Variants in ALK observed in about 807,000 individuals in gnomAD.
ALK encodes the protein ALK receptor tyrosine kinase, also known as ALK tyrosine kinase receptor.
Under a neutral mutation model 163.1 loss-of-function variants are expected in ALK, and 74 were observed. The observed-to-expected ratio is 0.45, with a 90% CI of 0.38 to 0.55. The LOEUF is 0.55. ALK is among the 20% of genes least tolerant of loss of function. The pLI is 0.00. For missense variants in ALK, 2,063 were observed against 2,105.3 expected (o/e 0.98, Z 0.39); for synonymous variants, 960 against 843.2 (o/e 1.14, Z -2.40).
At chr2:29,417,729 G>A (rs1669915306) in intron 4 of ALK, among the ~76,000 whole-genome samples, 1 of 152,196 alleles carries the variant, frequency 6.6e-6, no homozygotes, top group Admixed American at 6.5e-5. Flanking sequence ...ATTACATCAG[G>A]AAGAGAGACT....
intron 8 of ALK, among the ~76,000 whole-genome samples, chr2:29,308,600 C>A (rs746072604): frequency 2.6e-5 from 4 of 152,128 alleles, no homozygotes; most frequent in African/African-American, 4.8e-5. Flanking sequence ...GTGCTGTGAA[C>A]GGAACGCAAG....
At chr2:29,203,732 C>A (rs1306680516) in intron 26 of ALK, among the ~76,000 whole-genome samples, 1 of 151,740 alleles carries the variant, frequency 6.6e-6, no homozygotes, top group Non-Finnish European at 1.5e-5. Context: ...GATCCACCTG[C>A]CTCGGTCTCC....
intron 3 of ALK, among the ~76,000 whole-genome samples, chr2:29,584,679 G>A (rs886980555): frequency 5.3e-5 from 8 of 152,162 alleles, no homozygotes; most frequent in African/African-American, 9.7e-5. Context: ...TGGCTGGTTC[G>A]GTGTTCTGGA....
chr2:29,589,093 C>G (rs1674973510), intron 3 of ALK, among the ~76,000 whole-genome samples: 2 of 152,254 alleles, frequency 1.3e-5, no homozygotes, highest in South Asian at 4.2e-4. Flanking sequence ...ATCATCTCTG[C>G]AGCGTTCAAC....
At chr2:29,585,195 T>C (rs1313402587) in intron 3 of ALK, among the ~76,000 whole-genome samples, 1 of 152,218 alleles carries the variant, frequency 6.6e-6, no homozygotes, top group Non-Finnish European at 1.5e-5. Flanking sequence ...TAAGGCAAAA[T>C]ATAAATGTAT....
intron 1 of ALK, among the ~76,000 whole-genome samples, chr2:29,756,709 T>A (rs1680543403): frequency 6.6e-6 from 1 of 152,260 alleles, no homozygotes; most frequent in Middle Eastern, 3.4e-3. Flanking sequence ...GTATTTTTAG[T>A]AGAGACAGGG....
At chr2:29,370,174 A>C (rs1026278269) in intron 5 of ALK, among the ~76,000 whole-genome samples, 10 of 152,196 alleles carry the variant, frequency 6.6e-5, no homozygotes, top group African/African-American at 2.4e-4. Flanking sequence ...AGTTCAAGAA[A>C]TTTTGCACCC....
chr2:29,654,829 C>T (rs1385695030), intron 3 of ALK, among the ~76,000 whole-genome samples: 1 of 152,002 alleles, frequency 6.6e-6, no homozygotes, highest in Non-Finnish European at 1.5e-5. Context: ...CCTTAAGACA[C>T]TGTCAGTAAA....
At chr2:29,868,133 G>A (rs1301661694) in intron 1 of ALK, among the ~76,000 whole-genome samples, 1 of 152,218 alleles carries the variant, frequency 6.6e-6, no homozygotes, top group Non-Finnish European at 1.5e-5. Context: ...TAGAGTTGGA[G>A]CTGGAAGGCA....
chr2:29,728,739 A>T (rs1438679197), intron 1 of ALK, among the ~76,000 whole-genome samples: 6 of 152,200 alleles, frequency 3.9e-5, no homozygotes, highest in African/African-American at 7.2e-5. Flanking sequence ...GTCTCTCAGA[A>T]CGGAGCGCCA....
chr2:29,717,171 C>CAAA (rs754615995), intron 2 of ALK, among the ~76,000 whole-genome samples: 36,812 of 70,262 alleles, frequency 0.52, 11,663 homozygotes, highest in Non-Finnish European at 0.63. Context: ...GACTCTGTCT[C>CAAA]AAAAAAAAAA....
At chr2:29,293,608 A>G (rs1284431588) in intron 9 of ALK, among the ~76,000 whole-genome samples, 1 of 152,202 alleles carries the variant, frequency 6.6e-6, no homozygotes, top group Non-Finnish European at 1.5e-5. Context: ...TTTAACTTTA[A>G]CATGCCTTTA....
chr2:29,590,573 C>T (rs1012398910), intron 3 of ALK, among the ~76,000 whole-genome samples: 1 of 152,112 alleles, frequency 6.6e-6, no homozygotes, highest in Non-Finnish European at 1.5e-5. Context: ...CATCTTCCAC[C>T]AGGCCCCAGG....
Position 29,233,518 on chromosome 2 carries a change from T to C in ALK, c.2487+47A>G, listed in dbSNP as rs77684724. 127,488 of 1,613,438 alleles carry C rather than the reference T, an allele frequency of 0.079. 5,602 individuals carry two copies. Among genetic ancestry groups the C allele is most frequent in the Non-Finnish European group, 0.092 (108,244 of 1,179,708 alleles). ...CAGGGCTGTCATGAGGCTCTGACATTGCAGATGCACAGGAACCTGGTGGAA... is the reference window on the plus strand; with the variant it reads ...CAGGGCTGTCATGAGGCTCTGACATCGCAGATGCACAGGAACCTGGTGGAA... On this transcript the variant is annotated intron_variant, in intron 14 of 28. Transcript: ENST00000389048.
chr2:29,264,218 C>T (rs1270947650), intron 11 of ALK, among the ~76,000 whole-genome samples: 1 of 152,220 alleles, frequency 6.6e-6, no homozygotes, highest in Non-Finnish European at 1.5e-5. Context: ...TCAAGGCCTT[C>T]AGAGCTTTGG....
At chr2:29,880,393 T>G (rs2148417912) in intron 1 of ALK, among the ~76,000 whole-genome samples, 1 of 152,296 alleles carries the variant, frequency 6.6e-6, no homozygotes, top group African/African-American at 2.4e-5. Flanking sequence ...ATCAGAGCCC[T>G]TGGCTGAGTT....
At chr2:29,516,561 G>A (rs1672671833) in intron 4 of ALK, among the ~76,000 whole-genome samples, 1 of 152,210 alleles carries the variant, frequency 6.6e-6, no homozygotes, top group Non-Finnish European at 1.5e-5. Flanking sequence ...CCCCTGCTAA[G>A]GGGGAGGAAT....
intron 4 of ALK, among the ~76,000 whole-genome samples, chr2:29,508,006 C>G (rs903413455): frequency 6.6e-6 from 1 of 152,168 alleles, no homozygotes; most frequent in Non-Finnish European, 1.5e-5. Context: ...TCATGACTTA[C>G]ATGTCTTGCG....
intron 1 of ALK, among the ~76,000 whole-genome samples, chr2:29,734,326 A>G (rs796961086): frequency 5.9e-5 from 9 of 152,340 alleles, no homozygotes; most frequent in African/African-American, 2.2e-4. Flanking sequence ...TAAAGAGAAG[A>G]GACTGTCTAA....
Sources: allele counts gnomAD v4.1 joint callset (sites outside exome capture counted in the v4.1 genomes callset), GRCh38; gene constraint gnomAD v4.1.1; transcripts MANE v1.5; gene names NCBI Gene and HGNC (gene_info 2026-07-23, HGNC 2026-07-21).